HSPA14: variants seen among roughly 807,000 people sequenced by gnomAD.
HSPA14 encodes the protein heat shock protein family A (Hsp70) member 14, also known as heat shock 70 kDa protein 14.
Under a neutral mutation model 65.5 loss-of-function variants are expected in HSPA14, and 37 were observed. The ratio of observed to expected loss-of-function variants is 0.56; its 90% CI spans 0.43 to 0.74. The LOEUF (loss-of-function observed/expected upper bound fraction) is 0.74, where lower values mean the gene tolerates loss of function less well. Among genes scored for constraint, HSPA14 ranks in the 30% least tolerant of loss-of-function variants. The probability of loss-of-function intolerance (pLI) is 0.00; values close to 1 mark genes in which losing one functional copy is unlikely to be tolerated. For missense variants in HSPA14, 564 were observed against 607.6 expected, an observed-to-expected ratio of 0.93 and a Z score of 0.75; for synonymous variants, 203 against 214.2, an observed-to-expected ratio of 0.95 and a Z score of 0.46.
intron 8 of HSPA14, among the ~76,000 whole-genome samples, chr10:14,852,930 G>T (rs868262140): frequency 2.0e-4 from 30 of 152,274 alleles, no homozygotes; most frequent in Middle Eastern, 6.8e-3. Context: ...ATATTCCAGT[G>T]AGTTATTGTC....
rs9787671 is a variant in HSPA14, at chr10:14,859,930, C to T, written c.993+3987C>T. On this transcript the variant is annotated intron_variant, in intron 10 of 13. Transcript: ENST00000378372. ...TTACATAAAGTCTCATTTTTTGACA[C>T]AGTTGCATTGTCTATAAATAACTTG... is the stretch of plus-strand genomic sequence containing the variant. 9.6e-3 allele frequency among the ~76,000 whole-genome samples: 1,452 copies of T among 151,996 alleles called. 19 individuals carry two copies. Among genetic ancestry groups the T allele is most frequent in the African/African-American group, 0.031 (1,304 of 41,460 alleles).
At chr10:14,855,053 T>C (rs1397165120) in intron 9 of HSPA14, among the ~76,000 whole-genome samples, 5 of 152,220 alleles carry the variant, frequency 3.3e-5, no homozygotes, top group Non-Finnish European at 7.3e-5. Context: ...TGTATTTTTC[T>C]AGTTCCAGAA....
chr10:14,838,507 T>G, intron 1 of HSPA14, 48 bp downstream of exon 1: 1 of 1,530,182 alleles, frequency 6.5e-7, no homozygotes, highest in Non-Finnish European at 8.8e-7. Flanking sequence ...GCCACCCGGT[T>G]TTCTGGCGCT....
rs1192829741 is a variant in HSPA14 at position 14,861,845 on chromosome 10, C to T, written c.994-5238C>T. ...TGGCCAACATGGTGAAACACCGTCT[C>T]TACTAAAACTACACAAATTAGCTGG... On this transcript the variant is annotated intron_variant, in intron 10 of 13. Transcript: ENST00000378372. Among the ~76,000 whole-genome samples, 4 of 151,786 alleles carry T rather than the reference C, an allele frequency of 2.6e-5. No individual in the cohort carries two copies. In the East Asian group the frequency reaches 8.0e-4, roughly 30 times the overall value.
At chr10:14,867,986 A>C in intron 12 of HSPA14, 77 bp downstream of exon 12, 2 of 1,156,424 alleles carry the variant, frequency 1.7e-6, no homozygotes, top group Non-Finnish European at 2.5e-6. Context: ...ATCTTAATAC[A>C]AAATGTGTAT....
intron 11 of HSPA14, 25 bp downstream of exon 11, chr10:14,867,320 T>G: frequency 6.7e-7 from 1 of 1,486,190 alleles, no homozygotes; most frequent in Non-Finnish European, 9.4e-7. Flanking sequence ...TGTATACTAG[T>G]TAAGGTATGT....
chr10:14,859,807 CT>C (rs1225932050), intron 10 of HSPA14, among the ~76,000 whole-genome samples: 1 of 152,166 alleles, frequency 6.6e-6, no homozygotes, highest in Non-Finnish European at 1.5e-5. Flanking sequence ...AACTTACTTT[CT>C]GAGTAGATGT....
At position 14,849,594 on chromosome 10, in the gene HSPA14, C is replaced by T. The variant is rs533505147; in HGVS notation, c.377-127C>T. 41 of 748,720 alleles carry T rather than the reference C, an allele frequency of 5.5e-5. 1 individual carries two copies. The East Asian group carries it at 6.3e-4, about 12-fold the overall frequency. The allele number at this position is 748,720 out of a possible 1,614,324, so 46.4% of individuals were successfully genotyped here. ...GCAGAGAAGAAAATTGACACGGGGGCGGGGTGGGCAAGCAAGTGTATTGGG... is the reference window on the plus strand; with the variant it reads ...GCAGAGAAGAAAATTGACACGGGGGTGGGGTGGGCAAGCAAGTGTATTGGG... On this transcript the variant is annotated intron_variant, in intron 5 of 13. Transcript: ENST00000378372.
At position 14,848,568 on chromosome 10, in the gene HSPA14, G is replaced by A. The variant is rs114573476; in HGVS notation, c.222-41G>A. On this transcript the variant is annotated intron_variant, in intron 3 of 13. Transcript: ENST00000378372. ...CTAAACTTTATATATCTACAATACT[G>A]ATTTTAATACTTAGCTATCTTTATC... The A allele has an allele frequency of 5.3e-5, 77 of 1,465,878 alleles. No individual in the cohort carries two copies. In the African/African-American group the frequency reaches 1.0e-3, roughly 20 times the overall value. The allele number at this position is 1,465,878 out of a possible 1,614,324, so 90.8% of individuals were successfully genotyped here. A position where few individuals can be genotyped will look rare whatever the true frequency, so the allele number is the denominator to read the frequency against.
chr10:14,862,230 G>A lies in HSPA14; in HGVS notation c.994-4853G>A, dbSNP rs563862905. On this transcript the variant is annotated intron_variant, in intron 10 of 13. Coordinates refer to ENST00000378372, the MANE Select transcript of HSPA14 (RefSeq NM_016299.4). Reference sequence around the variant, plus strand: ...TTTTTAGTAGAGATGGGGTTTCACCGTGTTAGCCAGCATGGTCTCAATCTC... The same window carrying A: ...TTTTTAGTAGAGATGGGGTTTCACCATGTTAGCCAGCATGGTCTCAATCTC... Among the ~76,000 whole-genome samples, 17 of 151,126 alleles carry A rather than the reference G, an allele frequency of 1.1e-4. No individual in the cohort carries two copies. In the South Asian group the frequency reaches 2.1e-3, roughly 19 times the overall value.
intron 12 of HSPA14, among the ~76,000 whole-genome samples, chr10:14,869,067 C>T (rs1201262533): frequency 6.6e-6 from 1 of 151,868 alleles, no homozygotes; most frequent in East Asian, 1.9e-4. Context: ...AGGATGGTCT[C>T]GATGTCATGA....
rs751690069 is a variant in HSPA14, at chr10:14,854,180, A to G, written c.790A>G (p.Ser264Gly). The G allele has an allele frequency of 1.3e-5, 21 of 1,612,074 alleles. No homozygotes were observed. The South Asian group carries it at 1.9e-4, about 14-fold the overall frequency. Residue 264 changes from serine (S) to glycine (G), a missense_variant, in exon 9 of 14, where the codon AGT becomes GGT. Ser to Gly is a moderately conservative substitution (Grantham distance 56). Transcript: ENST00000378372. ...GCGAGCCATGATGAAATTAACGAACAGTGCTGAAGTAGCGAAACATTCTTT... is the reference window on the plus strand; with the variant it reads ...GCGAGCCATGATGAAATTAACGAACGGTGCTGAAGTAGCGAAACATTCTTT... Reference protein sequence around the residue: ...NARAMMKLTNSAEVAKHSLST... With the variant: ...NARAMMKLTNGAEVAKHSLST...
At chr10:14,852,167 G>C (rs1397472561) in intron 7 of HSPA14, among the ~76,000 whole-genome samples, 3 of 152,092 alleles carry the variant, frequency 2.0e-5, no homozygotes, top group Non-Finnish European at 4.4e-5. Flanking sequence ...CATGACTGAG[G>C]AAAAAAGAAC....
chr10:14,843,249 TG>T, intron 3 of HSPA14: 2 of 1,225,104 alleles, frequency 1.6e-6, no homozygotes, highest in Non-Finnish European at 2.3e-6. Flanking sequence ...TCCCAGTCCC[TG>T]GTGGAAAGAG....
At position 14,849,807 on chromosome 10, in the gene HSPA14, CTT is replaced by C; in HGVS notation, c.464_465del (p.Leu155ArgfsTer5). The C allele has an allele frequency of 6.2e-7, 1 of 1,602,308 alleles. No individual in the cohort carries two copies. The highest frequency in any genetic ancestry group is 8.5e-7 in the Non-Finnish European group (1 of 1,169,860). On this transcript the variant is annotated frameshift_variant and splice_region_variant, in exon 6 of 14. Coordinates refer to ENST00000378372, the MANE Select transcript of HSPA14 (RefSeq NM_016299.4). LOFTEE classifies it high-confidence loss of function. ...FDFGEKQKNA[L>X]GEAARAAGFN... is the part of the protein sequence containing the mutation. ...TTTTGGAGAAAAGCAAAAAAATGCT[CTT>C]GGGTAAGTATATGGGGTTTATCTTA...
At chr10:14,870,332 G>T (rs918375640) in intron 12 of HSPA14, among the ~76,000 whole-genome samples, 9 of 152,066 alleles carry the variant, frequency 5.9e-5, no homozygotes, top group Non-Finnish European at 1.0e-4. Context: ...TAGAAACAAT[G>T]ATTTTAATCT....
chr10:14,849,749 T>C lies in HSPA14; in HGVS notation c.405T>C (p.Asp135=). Residue 135 remains aspartate, a synonymous_variant, in exon 6 of 14, where the codon GAT becomes GAC. Transcript: ENST00000378372. ...KETAHSVLGS[D]ANDVVITVPF... is the part of the protein sequence containing the mutation. The stretch of plus-strand genomic sequence containing the variant: ...CGGCACATTCTGTATTGGGCTCAGA[T>C]GCAAATGATGTAGTTATTACTGTCC... 6.2e-7 allele frequency: 1 copy of C among 1,612,060 alleles called. No homozygotes were observed. The highest frequency in any genetic ancestry group is 8.5e-7 in the Non-Finnish European group (1 of 1,179,400).
intron 12 of HSPA14, 118 bp from the exon 13 acceptor site, chr10:14,870,479 C>A: frequency 8.6e-7 from 1 of 1,165,398 alleles, no homozygotes; most frequent in South Asian, 1.6e-5. Context: ...GAAAACTGCC[C>A]TATTTTAAAA....
At chr10:14,844,123 G>GT in intron 3 of HSPA14, 1 of 1,351,048 alleles carries the variant, frequency 7.4e-7, no homozygotes, top group Non-Finnish European at 9.5e-7. Context: ...ATGGAGCCAC[G>GT]TTCTAGACAG....
Sources: allele counts gnomAD v4.1 joint callset (sites outside exome capture counted in the v4.1 genomes callset), GRCh38; gene constraint gnomAD v4.1.1; transcripts MANE v1.5; gene names NCBI Gene and HGNC (gene_info 2026-07-23, HGNC 2026-07-21).